EXOC4: variants seen among roughly 807,000 people sequenced by gnomAD.
EXOC4 encodes exocyst complex component 4.
EXOC4 carries 71 observed loss-of-function variants against 107.2 expected under a neutral mutation model. The observed-to-expected ratio is 0.66, with a 90% CI of 0.55 to 0.81. The LOEUF (loss-of-function observed/expected upper bound fraction) is 0.81, where lower values mean the gene tolerates loss of function less well. EXOC4 is among the 30% of genes least tolerant of loss of function. The pLI is 0.00. For missense variants in EXOC4, 1,108 were observed against 1,189.6 expected (o/e 0.93, Z 1.01); for synonymous variants, 456 against 441.2 (o/e 1.03, Z -0.42).
chr7:134,042,885 A>G (rs777884612), intron 17 of EXOC4, among the ~76,000 whole-genome samples: 4 of 152,128 alleles, frequency 2.6e-5, no homozygotes, highest in African/African-American at 9.7e-5. Flanking sequence ...AAACATGCAA[A>G]AATTAGCTGG....
chr7:133,791,995 G>A (rs1459740104), intron 10 of EXOC4, among the ~76,000 whole-genome samples: 6 of 152,182 alleles, frequency 3.9e-5, no homozygotes, highest in Non-Finnish European at 8.8e-5. Flanking sequence ...GTTGAAGGGA[G>A]TTTTGTGGTT....
intron 17 of EXOC4, among the ~76,000 whole-genome samples, chr7:134,037,654 G>T (rs114994447): frequency 1.8e-4 from 28 of 152,262 alleles, no homozygotes; most frequent in African/African-American, 6.5e-4. Flanking sequence ...GCACAATTTA[G>T]AAGGGGATTA....
rs913203317 is a variant in EXOC4, at chr7:133,338,669, T to C, written c.764-17661T>C. Among the ~76,000 whole-genome samples, 7 of 149,884 alleles carry C rather than the reference T, an allele frequency of 4.7e-5. No homozygotes were observed. The East Asian group carries it at 1.4e-3, about 29-fold the overall frequency. On this transcript the variant is annotated intron_variant, in intron 5 of 17. Coordinates refer to ENST00000253861, the MANE Select transcript of EXOC4 (RefSeq NM_021807.4). ...GGGGAACAGGTGGTATTTGATTACA[T>C]GTATAAATTTTTTAGTGGTGATTTC...
chr7:133,752,948 T>C (rs1237211088), intron 10 of EXOC4, among the ~76,000 whole-genome samples: 8 of 152,232 alleles, frequency 5.3e-5, no homozygotes, highest in Admixed American at 5.2e-4. Flanking sequence ...TGCCCACCTC[T>C]GATGCCATGT....
chr7:134,016,733 A>T (rs1216958767), intron 17 of EXOC4, among the ~76,000 whole-genome samples: 1 of 152,228 alleles, frequency 6.6e-6, no homozygotes, highest in African/African-American at 2.4e-5. Flanking sequence ...AGCTGTTTAC[A>T]TAAATTTATT....
the EXOC4 span, among the ~76,000 whole-genome samples, chr7:134,076,595 A>G: frequency 1.3e-5 from 2 of 151,960 alleles, no homozygotes; most frequent in African/African-American, 4.8e-5. Context: ...GAGAAATAGA[A>G]CCAATAGCAT....
chr7:134,093,707 G>T, the EXOC4 span, among the ~76,000 whole-genome samples: 1 of 152,028 alleles, frequency 6.6e-6, no homozygotes, highest in East Asian at 1.9e-4. Flanking sequence ...TTTAAAACTC[G>T]AAATTATACC....
chr7:133,284,929 T>C (rs1014990252), intron 2 of EXOC4, among the ~76,000 whole-genome samples: 1 of 152,192 alleles, frequency 6.6e-6, no homozygotes, highest in Non-Finnish European at 1.5e-5. Context: ...TTCCAACATC[T>C]CAGAGATGCT....
At chr7:133,811,794 A>T (rs1331351661) in intron 10 of EXOC4, among the ~76,000 whole-genome samples, 1 of 152,204 alleles carries the variant, frequency 6.6e-6, no homozygotes, top group Non-Finnish European at 1.5e-5. Flanking sequence ...TTTTTTAAAA[A>T]TTTTGTATTG....
At chr7:133,662,240 C>T (rs1325021166) in intron 10 of EXOC4, among the ~76,000 whole-genome samples, 1 of 152,024 alleles carries the variant, frequency 6.6e-6, no homozygotes, top group Non-Finnish European at 1.5e-5. Context: ...TAGTTGAAAA[C>T]AGGGCTCCAT....
intron 7 of EXOC4, among the ~76,000 whole-genome samples, chr7:133,460,039 A>G (rs1157153919): frequency 2.0e-5 from 3 of 152,224 alleles, no homozygotes; most frequent in Non-Finnish European, 4.4e-5. Context: ...TTTGTACACT[A>G]GAGCAGTGGT....
At position 134,064,510 on chromosome 7, in the gene EXOC4, G is replaced by A. The variant is rs749962056; in HGVS notation, c.2907G>A (p.Lys969=). 2.5e-6 allele frequency: 4 copies of A among 1,602,496 alleles called. No homozygotes were observed. The highest frequency in any genetic ancestry group is 1.1e-5 in the South Asian group (1 of 89,504). Residue 969 remains lysine (K), a synonymous_variant, in exon 18 of 18, where the codon AAG becomes AAA. Coordinates refer to ENST00000253861, the MANE Select transcript of EXOC4 (RefSeq NM_021807.4). ...QAAIKQATKD[K]KITTV is the part of the protein sequence containing the mutation. The stretch of plus-strand genomic sequence containing the variant: ...CCATCAAGCAAGCCACCAAGGACAA[G>A]AAGATAACTACCGTTTAGCAGGGCG...
intron 7 of EXOC4, among the ~76,000 whole-genome samples, chr7:133,432,665 C>T (rs74324485): frequency 0.033 from 5,057 of 152,228 alleles, 273 homozygotes; most frequent in African/African-American, 0.12. Context: ...TGTAAAGCTT[C>T]GTTAATAGCT....
At chr7:133,626,754 A>T (rs1014041097) in intron 9 of EXOC4, among the ~76,000 whole-genome samples, 1 of 152,136 alleles carries the variant, frequency 6.6e-6, no homozygotes, top group African/African-American at 2.4e-5. Flanking sequence ...CCTCTCACTG[A>T]CATTTCTAGT....
chr7:133,319,427 T>TAG (rs1795060210), intron 5 of EXOC4, among the ~76,000 whole-genome samples: 1 of 152,208 alleles, frequency 6.6e-6, no homozygotes. Context: ...AACTGCTTGG[T>TAG]AGTTGACTGG....
intron 9 of EXOC4, among the ~76,000 whole-genome samples, chr7:133,508,495 C>G (rs1471455485): frequency 6.6e-6 from 1 of 152,214 alleles, no homozygotes; most frequent in African/African-American, 2.4e-5. Flanking sequence ...TCTGTTTCCT[C>G]TTTAACACTG....
chr7:133,783,575 T>TTG, intron 10 of EXOC4, among the ~76,000 whole-genome samples: 1 of 152,352 alleles, frequency 6.6e-6, no homozygotes, highest in East Asian at 1.9e-4. Flanking sequence ...CTATATTTTC[T>TTG]TGAACTCTGT....
chr7:133,925,158 A>C (rs1800023419), intron 13 of EXOC4, among the ~76,000 whole-genome samples: 1 of 152,244 alleles, frequency 6.6e-6, no homozygotes, highest in African/African-American at 2.4e-5. Context: ...TGCTTGGCAC[A>C]TAGATGAATA....
At chr7:133,736,936 T>G (rs1255332816) in intron 10 of EXOC4, among the ~76,000 whole-genome samples, 3 of 152,160 alleles carry the variant, frequency 2.0e-5, no homozygotes, top group Non-Finnish European at 4.4e-5. Context: ...CTTGCTGAAA[T>G]TGTTTTTGTT....
Sources: gnomAD v4.1 joint callset for allele counts (sites outside exome capture counted in the v4.1 genomes callset) on GRCh38, gnomAD v4.1.1 for gene constraint, MANE v1.5 for transcripts, NCBI Gene and HGNC (gene_info 2026-07-23, HGNC 2026-07-21) for gene names.